NSMCE2: variants seen among roughly 807,000 people sequenced by gnomAD.
The protein encoded by NSMCE2 is E3 SUMO-protein ligase NSE2.
Under a neutral mutation model 23.8 loss-of-function variants are expected in NSMCE2, and 24 were observed. That is an observed-to-expected ratio of 1.01 (90% confidence interval 0.73 to 1.42). The LOEUF is 1.42. NSMCE2 is among the 40% of genes most tolerant of loss of function. The pLI, the probability that NSMCE2 is intolerant of heterozygous loss-of-function variation, is 0.00. For synonymous variants in NSMCE2, 92 were observed against 94.1 expected (o/e 0.98, Z 0.13); for missense variants, 284 against 296.5 (o/e 0.96, Z 0.31).
At chr8:125,148,124 G>A (rs939054224) in intron 3 of NSMCE2, among the ~76,000 whole-genome samples, 1 of 152,112 alleles carries the variant, frequency 6.6e-6, no homozygotes, top group Non-Finnish European at 1.5e-5. Flanking sequence ...TGTTGCTTGG[G>A]CTGCACCAGT....
chr8:125,167,144 C>T (rs542597610), intron 4 of NSMCE2, among the ~76,000 whole-genome samples: 1 of 152,294 alleles, frequency 6.6e-6, no homozygotes, highest in South Asian at 2.1e-4. Context: ...CTAACTGTTT[C>T]GATTCTAGTG....
intron 5 of NSMCE2, 108 bp from the exon 6 acceptor site, chr8:125,357,111 G>T: frequency 1.4e-6 from 1 of 691,688 alleles, no homozygotes; most frequent in South Asian, 1.7e-5. Context: ...TTACATGGGG[G>T]CCAACAGCAA....
chr8:125,180,332 ACT>A (rs1822740131), intron 4 of NSMCE2, among the ~76,000 whole-genome samples: 1 of 152,012 alleles, frequency 6.6e-6, no homozygotes, highest in Admixed American at 6.6e-5. Context: ...GTTTTCTAAA[ACT>A]CTCTTTAATG....
At chr8:125,366,262 T>C (rs1253824122) in intron 7 of NSMCE2, among the ~76,000 whole-genome samples, 1 of 152,198 alleles carries the variant, frequency 6.6e-6, no homozygotes, top group Non-Finnish European at 1.5e-5. Flanking sequence ...GCTCATAGGC[T>C]GGGCGCGGTG....
At chr8:125,205,716 G>A (rs766941377) in intron 5 of NSMCE2, among the ~76,000 whole-genome samples, 3 of 152,206 alleles carry the variant, frequency 2.0e-5, no homozygotes, top group Non-Finnish European at 4.4e-5. Flanking sequence ...GGAGGCTGGA[G>A]ATTGAAGCAG....
chr8:125,315,133 TC>T (rs1829129764), intron 5 of NSMCE2, among the ~76,000 whole-genome samples: 2 of 152,254 alleles, frequency 1.3e-5, no homozygotes, highest in South Asian at 4.2e-4. Flanking sequence ...TTTTTTCTTT[TC>T]ATGTGTGTTT....
At chr8:125,326,908 A>G (rs1282254277) in intron 5 of NSMCE2, among the ~76,000 whole-genome samples, 6 of 150,088 alleles carry the variant, frequency 4.0e-5, no homozygotes, top group African/African-American at 1.2e-4. Context: ...GTGAGCTGAG[A>G]TCTCGCCACT....
intron 5 of NSMCE2, among the ~76,000 whole-genome samples, chr8:125,346,012 C>G (rs1233184418): frequency 6.6e-6 from 1 of 152,184 alleles, no homozygotes; most frequent in African/African-American, 2.4e-5. Context: ...AAAAAATTAG[C>G]TGGGCGTGGT....
At chr8:125,097,098 C>T (rs1353142390) in intron 1 of NSMCE2, among the ~76,000 whole-genome samples, 1 of 152,138 alleles carries the variant, frequency 6.6e-6, no homozygotes, top group Non-Finnish European at 1.5e-5. Flanking sequence ...AGATTGTAAA[C>T]AAGCAGTCTC....
At chr8:125,271,122 A>G (rs894457616) in intron 5 of NSMCE2, among the ~76,000 whole-genome samples, 25 of 152,114 alleles carry the variant, frequency 1.6e-4, no homozygotes, top group African/African-American at 6.0e-4. Flanking sequence ...TTTGCCAGGC[A>G]TGGTGGTGCG....
intron 5 of NSMCE2, among the ~76,000 whole-genome samples, chr8:125,186,135 A>G (rs1823087169): frequency 1.3e-5 from 2 of 152,254 alleles, no homozygotes; most frequent in Admixed American, 1.3e-4. Context: ...AAAAATCAAA[A>G]GGGGAGTAAT....
chr8:125,124,491 T>C (rs929543801), intron 3 of NSMCE2, among the ~76,000 whole-genome samples: 1 of 152,080 alleles, frequency 6.6e-6, no homozygotes, highest in Non-Finnish European at 1.5e-5. Flanking sequence ...TCTCTCTCTC[T>C]CTCTCTCAAC....
chr8:125,335,077 C>T (rs1420765978), intron 5 of NSMCE2, among the ~76,000 whole-genome samples: 1 of 152,030 alleles, frequency 6.6e-6, no homozygotes, highest in Non-Finnish European at 1.5e-5. Context: ...TATCTTGAAG[C>T]AATCTGGAAA....
At chr8:125,261,515 T>C (rs556276849) in intron 5 of NSMCE2, among the ~76,000 whole-genome samples, 1 of 126,840 alleles carries the variant, frequency 7.9e-6, no homozygotes, top group East Asian at 2.4e-4. Context: ...AATTCTCTCA[T>C]TGGAGATTCA....
chr8:125,102,320 C>G lies in NSMCE2; in HGVS notation c.-11C>G. ...TTCATTGTGTTTGAAAACTTAGGTA[C>G]TAATTTCAAGATGCCAGGACGTTCC... is the stretch of plus-strand genomic sequence containing the variant. On this transcript the variant is annotated 5_prime_UTR_variant, in exon 3 of 8. Transcript: ENST00000287437. 2 of 1,608,372 alleles carry G rather than the reference C, an allele frequency of 1.2e-6. No homozygotes were observed. Among genetic ancestry groups the G allele is most frequent in the Non-Finnish European group, 1.7e-6 (2 of 1,175,636 alleles).
chr8:125,265,519 T>G (rs544738090), intron 5 of NSMCE2, among the ~76,000 whole-genome samples: 1 of 152,166 alleles, frequency 6.6e-6, no homozygotes, highest in South Asian at 2.1e-4. Flanking sequence ...CTGCACCTAG[T>G]CTTTTGCATT....
intron 5 of NSMCE2, among the ~76,000 whole-genome samples, chr8:125,186,656 A>G (rs762718352): frequency 2.0e-5 from 3 of 152,224 alleles, no homozygotes; most frequent in African/African-American, 4.8e-5. Context: ...AAGTGAGGAG[A>G]GTCAAAACAG....
At chr8:125,136,653 G>T (rs1820082469) in intron 3 of NSMCE2, among the ~76,000 whole-genome samples, 1 of 152,068 alleles carries the variant, frequency 6.6e-6, no homozygotes, top group African/African-American at 2.4e-5. Flanking sequence ...CATTATAATT[G>T]TCATCCAAAC....
At chr8:125,325,294 T>TTAAAATAAAATAAAATAAAA (rs111749670) in intron 5 of NSMCE2, among the ~76,000 whole-genome samples, 6 of 127,188 alleles carry the variant, frequency 4.7e-5, no homozygotes, top group African/African-American at 1.5e-4. Context: ...CCCGTTTCTA[T>TTAAAATAAAATAAAATAAAA]TAAAATAAAA....
Sources: gnomAD v4.1 joint callset for allele counts (sites outside exome capture counted in the v4.1 genomes callset) on GRCh38, gnomAD v4.1.1 for gene constraint, MANE v1.5 for transcripts, NCBI Gene and HGNC (gene_info 2026-07-23, HGNC 2026-07-21) for gene names.